FGF12: variants seen among roughly 807,000 people sequenced by gnomAD.
FGF12 encodes fibroblast growth factor 12.
A neutral mutation model predicts 23.6 loss-of-function variants in FGF12; 14 were observed. That is an observed-to-expected ratio of 0.59 (90% confidence interval 0.39 to 0.93). The LOEUF is 0.93. FGF12 is among the 40% of genes least tolerant of loss of function. The pLI is 0.00. For missense variants in FGF12, 175 were observed against 217.8 expected (o/e 0.80, Z 1.24); for synonymous variants, 62 against 77.3 (o/e 0.80, Z 1.04).
At chr3:192,437,276 T>C (rs1367809927) in intron 2 of FGF12, among the ~76,000 whole-genome samples, 4 of 152,216 alleles carry the variant, frequency 2.6e-5, no homozygotes, top group Non-Finnish European at 5.9e-5. Context: ...TACTATCATC[T>C]TTGTTAAAGA....
At chr3:192,312,741 G>A (rs1422273590) in intron 4 of FGF12, among the ~76,000 whole-genome samples, 3 of 130,548 alleles carry the variant, frequency 2.3e-5, no homozygotes, top group East Asian at 2.2e-4. Flanking sequence ...AGTGAGACTC[G>A]GTCTCAAAAA....
At chr3:192,614,662 T>A (rs907920955) in intron 2 of FGF12, among the ~76,000 whole-genome samples, 1 of 152,016 alleles carries the variant, frequency 6.6e-6, no homozygotes, top group African/African-American at 2.4e-5. Context: ...GGAGACTACA[T>A]TTTAAAAGGA....
intron 2 of FGF12, chr3:192,673,029 T>C (rs1408458816): frequency 6.6e-6 from 1 of 150,994 alleles, no homozygotes; most frequent in African/African-American, 2.4e-5. Flanking sequence ...CTTTTAGTGA[T>C]TGAGTGATCA....
chr3:192,484,827 C>T (rs1723584132), intron 2 of FGF12, among the ~76,000 whole-genome samples: 3 of 152,154 alleles, frequency 2.0e-5, no homozygotes, highest in South Asian at 2.1e-4. Context: ...AACTGTGCAA[C>T]TTGTTGGCTA....
intron 4 of FGF12, among the ~76,000 whole-genome samples, chr3:192,182,708 C>A (rs768128468): frequency 1.3e-5 from 2 of 152,148 alleles, no homozygotes; most frequent in Non-Finnish European, 2.9e-5. Flanking sequence ...GAACTCTACT[C>A]GCTTCATTTT....
At chr3:192,310,340 G>C (rs1168994745) in intron 4 of FGF12, among the ~76,000 whole-genome samples, 2 of 152,080 alleles carry the variant, frequency 1.3e-5, no homozygotes, top group Non-Finnish European at 2.9e-5. Context: ...TAAAATGTAT[G>C]AACTAAAGAT....
At chr3:192,464,038 G>A (rs1722937609) in intron 2 of FGF12, among the ~76,000 whole-genome samples, 1 of 152,148 alleles carries the variant, frequency 6.6e-6, no homozygotes, top group African/African-American at 2.4e-5. Flanking sequence ...AGGCACGTGA[G>A]AAGTTTTTAA....
chr3:192,484,522 T>C (rs920274388), intron 2 of FGF12, among the ~76,000 whole-genome samples: 1 of 152,244 alleles, frequency 6.6e-6, no homozygotes, highest in East Asian at 1.9e-4. Context: ...GACATATTCA[T>C]AATATACAGC....
At chr3:192,355,881 A>G (rs1315947953) in intron 3 of FGF12, among the ~76,000 whole-genome samples, 2 of 152,206 alleles carry the variant, frequency 1.3e-5, no homozygotes, top group African/African-American at 4.8e-5. Flanking sequence ...GTGTTCAGAC[A>G]TGATTACAGG....
chr3:192,416,391 G>T (rs1721353147), intron 2 of FGF12, among the ~76,000 whole-genome samples: 1 of 152,132 alleles, frequency 6.6e-6, no homozygotes, highest in Admixed American at 6.5e-5. Flanking sequence ...TACTTCGTCT[G>T]CCTGAGTTGA....
chr3:192,700,103 C>A (rs981552317), intron 2 of FGF12, among the ~76,000 whole-genome samples: 1 of 152,176 alleles, frequency 6.6e-6, no homozygotes, highest in Non-Finnish European at 1.5e-5. Context: ...GTAATTAGCA[C>A]GTTTCCAGAG....
chr3:192,170,408 T>G, intron 5 of FGF12, 50 bp downstream of exon 5: 1 of 1,493,222 alleles, frequency 6.7e-7, no homozygotes, highest in Non-Finnish European at 9.3e-7. Context: ...GCAGAATTGA[T>G]GTCAACACAC....
At chr3:192,431,247 A>G (rs1319806223) in intron 2 of FGF12, among the ~76,000 whole-genome samples, 3 of 152,174 alleles carry the variant, frequency 2.0e-5, no homozygotes, top group African/African-American at 4.8e-5. Context: ...TTCTGAAAAG[A>G]GAAACTTCAG....
chr3:192,357,221 C>G (rs931933426), intron 3 of FGF12, among the ~76,000 whole-genome samples: 1 of 152,134 alleles, frequency 6.6e-6, no homozygotes. Flanking sequence ...CGGTGACTCA[C>G]GCCTGTAATC....
At chr3:192,616,230 T>C (rs1361150732) in intron 2 of FGF12, among the ~76,000 whole-genome samples, 6 of 152,020 alleles carry the variant, frequency 3.9e-5, no homozygotes, top group African/African-American at 1.4e-4. Context: ...CTCAGAGAAG[T>C]TTCAAAATCA....
chr3:192,531,236 T>C (rs927296752), intron 2 of FGF12, among the ~76,000 whole-genome samples: 2 of 152,158 alleles, frequency 1.3e-5, no homozygotes, highest in Non-Finnish European at 2.9e-5. Context: ...CCACTCCACA[T>C]TGTAGAGATT....
At chr3:192,655,889 A>G (rs994789477) in intron 2 of FGF12, among the ~76,000 whole-genome samples, 2 of 152,042 alleles carry the variant, frequency 1.3e-5, no homozygotes, top group African/African-American at 4.8e-5. Context: ...GAACACAAGC[A>G]TGAGGATTTT....
At chr3:192,521,643 A>C (rs1724815966) in intron 2 of FGF12, among the ~76,000 whole-genome samples, 1 of 152,074 alleles carries the variant, frequency 6.6e-6, no homozygotes, top group South Asian at 2.1e-4. Context: ...TAAATTATAC[A>C]CATTTCTTGA....
intron 3 of FGF12, among the ~76,000 whole-genome samples, chr3:192,347,652 G>A (rs1325930961): frequency 6.6e-6 from 1 of 152,104 alleles, no homozygotes; most frequent in East Asian, 1.9e-4. Flanking sequence ...ATCTAAATTA[G>A]ACTTCGATCA....
Sources: allele counts gnomAD v4.1 joint callset (sites outside exome capture counted in the v4.1 genomes callset), GRCh38; gene constraint gnomAD v4.1.1; transcripts MANE v1.5; gene names NCBI Gene and HGNC (gene_info 2026-07-23, HGNC 2026-07-21).